Variants in UNC5C observed in about 807,000 individuals in gnomAD.
UNC5C encodes netrin receptor UNC5C.
In UNC5C, 47 loss-of-function variants were observed where a neutral mutation model predicts 99.8. That is an observed-to-expected ratio of 0.47 (90% CI 0.37 to 0.60). The LOEUF is 0.60. Ranked by LOEUF, UNC5C falls within the 20% of genes least tolerant of loss-of-function variation. The probability of loss-of-function intolerance (pLI) is 0.00; values close to 1 mark genes in which losing one functional copy is unlikely to be tolerated. For synonymous variants in UNC5C, 487 were observed against 452.2 expected (o/e 1.08, Z -0.98); for missense variants, 1,062 against 1,165.9 (o/e 0.91, Z 1.30).
At chr4:95,303,387 C>T (rs1741945017) in intron 2 of UNC5C, among the ~76,000 whole-genome samples, 1 of 152,200 alleles carries the variant, frequency 6.6e-6, no homozygotes, top group Admixed American at 6.5e-5. Flanking sequence ...TTATAATTCT[C>T]AGTTTCCCCC....
intron 1 of UNC5C, among the ~76,000 whole-genome samples, chr4:95,542,531 G>A (rs1425315198): frequency 2.0e-5 from 3 of 152,068 alleles, no homozygotes; most frequent in Admixed American, 1.3e-4. Flanking sequence ...ATGTAGAAGG[G>A]GAGGTATGTT....
chr4:95,359,068 A>T (rs1744302712), intron 1 of UNC5C, among the ~76,000 whole-genome samples: 1 of 152,204 alleles, frequency 6.6e-6, no homozygotes, highest in Non-Finnish European at 1.5e-5. Flanking sequence ...AAAGTAAAAG[A>T]TTAACCAACC....
chr4:95,190,360 G>T (rs1737026458), intron 12 of UNC5C, among the ~76,000 whole-genome samples: 2 of 151,372 alleles, frequency 1.3e-5, no homozygotes, highest in South Asian at 4.2e-4. Context: ...GGAGGCGGGA[G>T]GGATAGCATT....
intron 5 of UNC5C, among the ~76,000 whole-genome samples, chr4:95,247,021 A>C (rs1579264433): frequency 6.6e-6 from 1 of 151,766 alleles, no homozygotes; most frequent in South Asian, 2.1e-4. Flanking sequence ...AGCCTGGGCG[A>C]CAGTGAAACC....
chr4:95,211,854 T>G (rs1738085539), intron 10 of UNC5C, among the ~76,000 whole-genome samples: 1 of 152,188 alleles, frequency 6.6e-6, no homozygotes, highest in Non-Finnish European at 1.5e-5. Flanking sequence ...AGGATTTCAA[T>G]AAATGAACAT....
intron 2 of UNC5C, among the ~76,000 whole-genome samples, chr4:95,331,583 G>A (rs913368440): frequency 2.0e-5 from 3 of 152,078 alleles, no homozygotes; most frequent in Admixed American, 1.3e-4. Flanking sequence ...AATCTCAGGA[G>A]AACTGAGAAA....
rs1257750447 is a variant in UNC5C at position 95,206,645 on chromosome 4, C to T, written c.1885G>A (p.Ala629Thr). ...CAGCTCACCTCCCACTGTCCCTGTG[C>T]TGCCTGGTTCTTGAGCAGTATTTTC... is the stretch of plus-strand genomic sequence containing the variant. ...DWKILLKNQA[A>T]QGQWEDVVVV... is the part of the protein sequence containing the mutation. The change falls in exon 11 of 16, where the codon GCA (alanine) becomes ACA (threonine). Residue 629 changes from alanine (A) to threonine (T), a missense_variant. This residue lies in a region of UNC5C where 810 missense variants were observed against 854.5 expected (regional missense o/e 0.95). Coordinates refer to ENST00000453304, the MANE Select transcript of UNC5C (RefSeq NM_003728.4). 4 of 1,614,152 alleles carry T rather than the reference C, an allele frequency of 2.5e-6. No individual in the cohort carries two copies. The South Asian group carries it at 4.4e-5, about 18-fold the overall frequency.
intron 2 of UNC5C, among the ~76,000 whole-genome samples, chr4:95,330,547 C>G (rs1197562258): frequency 3.9e-5 from 6 of 152,042 alleles, no homozygotes. Context: ...AATTGGCTGT[C>G]TGTACATAGG....
intron 1 of UNC5C, among the ~76,000 whole-genome samples, chr4:95,384,711 G>A (rs549933572): frequency 8.1e-4 from 123 of 152,278 alleles, no homozygotes; most frequent in African/African-American, 2.8e-3. Context: ...TGTAGGATAT[G>A]CGGAAGAGGG....
At chr4:95,320,278 C>A (rs1014232709) in intron 2 of UNC5C, among the ~76,000 whole-genome samples, 2 of 151,630 alleles carry the variant, frequency 1.3e-5, no homozygotes, top group Non-Finnish European at 2.9e-5. Flanking sequence ...AAAAATTAGC[C>A]CAGTGTGGTG....
intron 1 of UNC5C, among the ~76,000 whole-genome samples, chr4:95,505,878 T>C (rs17450240): frequency 0.071 from 10,766 of 152,088 alleles, 461 homozygotes; most frequent in Non-Finnish European, 0.1. Flanking sequence ...TGATTTATCT[T>C]GTCTTTGAGG....
chr4:95,178,216 C>T (rs11097458), intron 14 of UNC5C, among the ~76,000 whole-genome samples: 68,598 of 152,084 alleles, frequency 0.45, 17,265 homozygotes, highest in Admixed American at 0.59. Flanking sequence ...CACTAGTTCT[C>T]ATGCCATTTC....
chr4:95,185,834 C>T (rs1042559421), intron 12 of UNC5C, among the ~76,000 whole-genome samples: 3 of 152,048 alleles, frequency 2.0e-5, no homozygotes, highest in African/African-American at 7.2e-5. Context: ...GGAAAATATT[C>T]CGATACAGAT....
intron 4 of UNC5C, among the ~76,000 whole-genome samples, 169 bp downstream of exon 4, chr4:95,278,090 A>AT (rs1740924716): frequency 6.6e-6 from 1 of 152,246 alleles, no homozygotes; most frequent in Non-Finnish European, 1.5e-5. Flanking sequence ...CTCCCAAGTC[A>AT]TTAATCAGTT....
At chr4:95,539,976 G>A (rs1722875798) in intron 1 of UNC5C, among the ~76,000 whole-genome samples, 1 of 147,246 alleles carries the variant, frequency 6.8e-6, no homozygotes, top group South Asian at 2.1e-4. Flanking sequence ...ATTTTTCACT[G>A]TGGTCATTTT....
intron 7 of UNC5C, among the ~76,000 whole-genome samples, chr4:95,237,055 C>A (rs1739147784): frequency 2.0e-5 from 3 of 152,100 alleles, no homozygotes; most frequent in African/African-American, 7.2e-5. Flanking sequence ...TTTAAACCAT[C>A]TCTAGGTTGG....
intron 1 of UNC5C, among the ~76,000 whole-genome samples, chr4:95,421,286 G>C (rs1464615967): frequency 6.6e-6 from 1 of 152,124 alleles, no homozygotes; most frequent in South Asian, 2.1e-4. Context: ...TCTTCATAAA[G>C]GTTGGCCATG....
At chr4:95,391,150 G>A (rs951527275) in intron 1 of UNC5C, among the ~76,000 whole-genome samples, 1 of 152,156 alleles carries the variant, frequency 6.6e-6, no homozygotes, top group Non-Finnish European at 1.5e-5. Context: ...ATGATTGTGA[G>A]GCCTCCCCAG....
intron 4 of UNC5C, among the ~76,000 whole-genome samples, chr4:95,257,527 A>AG (rs1457680769): frequency 1.3e-5 from 2 of 152,194 alleles, no homozygotes; most frequent in Non-Finnish European, 2.9e-5. Context: ...GGTATGTGGA[A>AG]AGGGGGGTGC....
Sources: allele counts gnomAD v4.1 joint callset (sites outside exome capture counted in the v4.1 genomes callset), GRCh38; gene constraint gnomAD v4.1.1; regional missense constraint gnomAD v4.1.1; transcripts MANE v1.5; gene names NCBI Gene and HGNC (gene_info 2026-07-23, HGNC 2026-07-21).